AK9: variants seen among roughly 807,000 people sequenced by gnomAD.
The protein encoded by AK9 is adenylate kinase 9.
Under a neutral mutation model 239.6 loss-of-function variants are expected in AK9, and 191 were observed. The observed-to-expected ratio is 0.80, with a 90% CI of 0.71 to 0.90. The LOEUF is 0.90. Ranked by LOEUF, AK9 falls within the 40% of genes least tolerant of loss-of-function variation. The pLI is 0.00. For missense variants in AK9, 1,995 were observed against 2,214.7 expected, an observed-to-expected ratio of 0.90 and a Z score of 1.99; for synonymous variants, 689 against 721.0, an observed-to-expected ratio of 0.96 and a Z score of 0.71.
At chr6:109,572,618 A>T (rs1787567195) in intron 21 of AK9, among the ~76,000 whole-genome samples, 1 of 152,212 alleles carries the variant, frequency 6.6e-6, no homozygotes, top group Non-Finnish European at 1.5e-5. Context: ...ACACATGCAC[A>T]TATGAGCTGT....
Position 109,542,105 on chromosome 6 carries a change from A to G in AK9, c.3292T>C (p.Leu1098=), listed in dbSNP as rs865804619. The change falls in exon 27 of 41, where the codon TTG becomes CTG. Residue 1098 remains leucine (L), a synonymous_variant. Coordinates refer to ENST00000424296, the MANE Select transcript of AK9 (RefSeq NM_001145128.3). The stretch of plus-strand genomic sequence containing the variant: ...ATTACTTCAAGAATTTCAGGAGGCA[A>G]GGGCTCATTTTCCATTAGACTTGAT... ...IKSSLMENEP[L]PPEILEVILS... 8 of 1,609,838 alleles carry G rather than the reference A, an allele frequency of 5.0e-6. 1 individual carries two copies. In the Middle Eastern group the frequency reaches 1.3e-3, roughly 266 times the overall value.
chr6:109,515,230 C>G (rs576652146), intron 31 of AK9, among the ~76,000 whole-genome samples: 1 of 152,274 alleles, frequency 6.6e-6, no homozygotes, highest in East Asian at 1.9e-4. Flanking sequence ...ACTAGTAGGG[C>G]AAATCCCACT....
intron 38 of AK9, among the ~76,000 whole-genome samples, chr6:109,496,277 G>A (rs946598195): frequency 6.6e-6 from 1 of 152,178 alleles, no homozygotes; most frequent in Non-Finnish European, 1.5e-5. Context: ...GCCGTGTGCA[G>A]TCCGGTTTGC....
chr6:109,558,337 T>G (rs1785277278), intron 24 of AK9, among the ~76,000 whole-genome samples: 1 of 152,164 alleles, frequency 6.6e-6, no homozygotes, highest in African/African-American at 2.4e-5. Context: ...GATTCTCTCT[T>G]ATGTTTCTTC....
chr6:109,680,202 C>A (rs996283601), intron 1 of AK9, among the ~76,000 whole-genome samples: 2 of 152,070 alleles, frequency 1.3e-5, no homozygotes, highest in Non-Finnish European at 2.9e-5. Context: ...AGCTAAGAAC[C>A]TTGATAAAAG....
chr6:109,684,389 T>C (rs1773137666), intron 1 of AK9, among the ~76,000 whole-genome samples: 2 of 151,982 alleles, frequency 1.3e-5, no homozygotes, highest in Admixed American at 6.5e-5. Context: ...AAAGCCAAAA[T>C]TGACAAATGG....
At chr6:109,528,734 T>G (rs1780836490) in intron 29 of AK9, 2 of 532,558 alleles carry the variant, frequency 3.8e-6, no homozygotes, top group Non-Finnish European at 3.6e-6. Context: ...TTCCTCTTTT[T>G]CTCTTCTCCT....
At chr6:109,594,769 C>T (rs1790787635) in intron 17 of AK9, among the ~76,000 whole-genome samples, 1 of 152,202 alleles carries the variant, frequency 6.6e-6, no homozygotes, top group South Asian at 2.1e-4. Context: ...AAAGGATTCC[C>T]TGTTTAATAA....
intron 5 of AK9, among the ~76,000 whole-genome samples, chr6:109,664,889 A>C (rs1190601738): frequency 1.3e-5 from 2 of 152,018 alleles, no homozygotes; most frequent in Non-Finnish European, 2.9e-5. Flanking sequence ...AAAATACAAA[A>C]ATTAGCCAAG....
chr6:109,643,756 G>A (rs186627493), intron 9 of AK9, among the ~76,000 whole-genome samples: 3 of 151,974 alleles, frequency 2.0e-5, no homozygotes, highest in Non-Finnish European at 4.4e-5. Flanking sequence ...ATCCTCCTAC[G>A]TTCCAGTCCT....
Position 109,650,456 on chromosome 6 carries a change from T to C in AK9, c.760-5768A>G, listed in dbSNP as rs559380850. 1.5e-4 allele frequency among the ~76,000 whole-genome samples: 23 copies of C among 151,960 alleles called. 1 individual carries two copies. The highest frequency in any genetic ancestry group is 6.8e-3 in the Middle Eastern group (2 of 294). On this transcript the variant is annotated intron_variant, in intron 8 of 40. Coordinates refer to ENST00000424296, the MANE Select transcript of AK9 (RefSeq NM_001145128.3). ...GACACTTCTCAAAAGAAGACATTTCTGCAGCCAACAGACACATGAAAAAAT... is the reference window on the plus strand; with the variant it reads ...GACACTTCTCAAAAGAAGACATTTCCGCAGCCAACAGACACATGAAAAAAT...
intron 12 of AK9, among the ~76,000 whole-genome samples, chr6:109,629,778 G>A (rs548878761): frequency 1.3e-5 from 2 of 152,054 alleles, no homozygotes; most frequent in Non-Finnish European, 2.9e-5. Flanking sequence ...GACTACAGGC[G>A]CCCGTCACCG....
intron 21 of AK9, among the ~76,000 whole-genome samples, chr6:109,567,789 G>T (rs994348098): frequency 6.7e-6 from 1 of 148,466 alleles, no homozygotes; most frequent in East Asian, 2.0e-4. Context: ...TGCAAATGAC[G>T]AGTTAATGGG....
At chr6:109,541,582 G>T (rs1230169798) in intron 27 of AK9, among the ~76,000 whole-genome samples, 2 of 152,106 alleles carry the variant, frequency 1.3e-5, no homozygotes, top group Admixed American at 1.3e-4. Context: ...AGCTAATCTT[G>T]TATTTTTAGT....
At chr6:109,640,801 T>C (rs1797329788) in intron 10 of AK9, among the ~76,000 whole-genome samples, 1 of 152,120 alleles carries the variant, frequency 6.6e-6, no homozygotes, top group African/African-American at 2.4e-5. Context: ...TGTGGCACTT[T>C]TGGCAATTGG....
At chr6:109,509,917 A>T (rs992837478) in intron 32 of AK9, among the ~76,000 whole-genome samples, 3 of 152,016 alleles carry the variant, frequency 2.0e-5, no homozygotes, top group African/African-American at 7.2e-5. Context: ...GGGGCCTGGG[A>T]ACCTCCCCAA....
chr6:109,605,993 A>G (rs963472699), intron 17 of AK9, among the ~76,000 whole-genome samples: 1 of 151,942 alleles, frequency 6.6e-6, no homozygotes, highest in African/African-American at 2.4e-5. Context: ...GCCCCTGAGA[A>G]GCCTTTACAT....
chr6:109,656,416 T>C (rs982821746), intron 8 of AK9, among the ~76,000 whole-genome samples: 18 of 152,332 alleles, frequency 1.2e-4, no homozygotes, highest in African/African-American at 4.3e-4. Context: ...TATATTTGTT[T>C]TGATAAAGCT....
At position 109,511,060 on chromosome 6, in the gene AK9, G is replaced by GTT. The variant is rs200285676; in HGVS notation, c.4280-1682_4280-1681dup. Among the ~76,000 whole-genome samples the GTT allele has an allele frequency of 5.3e-4, 65 of 123,166 alleles. 1 individual carries two copies. Among genetic ancestry groups the GTT allele is most frequent in the African/African-American group, 1.4e-3 (47 of 34,612 alleles). The allele number at this position is 123,166 out of a possible 152,430, so 80.8% of individuals were successfully genotyped here. On this transcript the variant is annotated intron_variant, in intron 32 of 40. Coordinates refer to ENST00000424296, the MANE Select transcript of AK9 (RefSeq NM_001145128.3). ...TCTGGTTAATGAACCAAATCTGCTT[G>GTT]TTTTTTTTTTTTTTTTTTCCTTAAC...
Sources: gnomAD v4.1 joint callset for allele counts (sites outside exome capture counted in the v4.1 genomes callset) on GRCh38, gnomAD v4.1.1 for gene constraint, MANE v1.5 for transcripts, NCBI Gene and HGNC (gene_info 2026-07-23, HGNC 2026-07-21) for gene names.